The following TENM4 variants were observed in gnomAD, a reference collection of about 807,000 sequenced individuals.
TENM4 encodes the protein teneurin-4.
Under a neutral mutation model 243.3 loss-of-function variants are expected in TENM4, and 82 were observed. The observed-to-expected ratio is 0.34, with a 90% CI of 0.28 to 0.40. The LOEUF is 0.40. TENM4 is among the 10% of genes least tolerant of loss of function. The probability of loss-of-function intolerance (pLI) is 1.00; values close to 1 mark genes in which losing one functional copy is unlikely to be tolerated. For synonymous variants in TENM4, 1,412 were observed against 1,456.3 expected (o/e 0.97, Z 0.69); for missense variants, 3,138 against 3,673.3 (o/e 0.85, Z 3.77).
intron 17 of TENM4, among the ~76,000 whole-genome samples, chr11:78,778,291 T>C (rs1856775545): frequency 1.1e-5 from 1 of 95,032 alleles, no homozygotes; most frequent in South Asian, 4.0e-4. Context: ...TGACATGAGA[T>C]GGGGTGGAAA....
At chr11:79,145,578 C>T (rs1862381942) in intron 4 of TENM4, among the ~76,000 whole-genome samples, 2 of 152,222 alleles carry the variant, frequency 1.3e-5, no homozygotes, top group Middle Eastern at 3.4e-3. Flanking sequence ...TGTGAATATG[C>T]TACCCTTGAT....
intron 1 of TENM4, among the ~76,000 whole-genome samples, chr11:79,343,732 A>G (rs1256587565): frequency 6.6e-6 from 1 of 152,174 alleles, no homozygotes; most frequent in East Asian, 1.9e-4. Context: ...TGAAAAACGA[A>G]CAAGCTTGTT....
intron 1 of TENM4, among the ~76,000 whole-genome samples, chr11:79,383,161 A>G (rs1858041655): frequency 6.6e-6 from 1 of 152,186 alleles, no homozygotes; most frequent in South Asian, 2.1e-4. Flanking sequence ...GCTTTGGCCA[A>G]CAGAAAGCAC....
intron 1 of TENM4, among the ~76,000 whole-genome samples, chr11:79,304,022 C>G (rs1456089819): frequency 6.6e-6 from 1 of 152,090 alleles, no homozygotes; most frequent in Non-Finnish European, 1.5e-5. Flanking sequence ...TATGAGATAG[C>G]CTGGTAAGCC....
intron 2 of TENM4, among the ~76,000 whole-genome samples, chr11:79,216,937 C>T (rs1041343748): frequency 3.3e-5 from 5 of 152,142 alleles, no homozygotes; most frequent in African/African-American, 9.7e-5. Context: ...GGCAGAGGTC[C>T]TTACGCAGAA....
chr11:79,322,112 C>T (rs890604249), intron 1 of TENM4, among the ~76,000 whole-genome samples: 1 of 152,214 alleles, frequency 6.6e-6, no homozygotes, highest in African/African-American at 2.4e-5. Context: ...CCTCTTGTGA[C>T]TTACTCCATA....
chr11:79,093,922 C>T (rs1210053735), intron 4 of TENM4: 1 of 152,148 alleles, frequency 6.6e-6, no homozygotes, highest in Non-Finnish European at 1.5e-5. Context: ...AATATGGCAG[C>T]CACCAGCCAG....
chr11:79,110,330 G>GC (rs1262939378), intron 4 of TENM4, among the ~76,000 whole-genome samples: 1 of 152,190 alleles, frequency 6.6e-6, no homozygotes, highest in Non-Finnish European at 1.5e-5. Flanking sequence ...TCACACTGCA[G>GC]CCCCCTCCCT....
At chr11:79,413,005 C>T (rs1749022269) in intron 1 of TENM4, among the ~76,000 whole-genome samples, 1 of 152,176 alleles carries the variant, frequency 6.6e-6, no homozygotes, top group Non-Finnish European at 1.5e-5. Context: ...ATGGTGGGTA[C>T]CTTTGTGAAG....
intron 6 of TENM4, among the ~76,000 whole-genome samples, chr11:78,942,761 G>T (rs569793674): frequency 1.4e-5 from 2 of 147,742 alleles, no homozygotes; most frequent in African/African-American, 5.0e-5. Context: ...TACCTCATTT[G>T]CCTCCCTCTC....
intron 9 of TENM4, among the ~76,000 whole-genome samples, chr11:78,878,266 G>T (rs553753184): frequency 6.6e-6 from 1 of 151,906 alleles, no homozygotes; most frequent in African/African-American, 2.4e-5. Context: ...GCAACATCAC[G>T]CCAGACCCGG....
At chr11:79,177,619 AGGAG>A (rs1173681316) in intron 3 of TENM4, among the ~76,000 whole-genome samples, 1 of 152,146 alleles carries the variant, frequency 6.6e-6, no homozygotes, top group Non-Finnish European at 1.5e-5. Context: ...GAGTGGGATA[AGGAG>A]GAAGGAGGGT....
intron 6 of TENM4, among the ~76,000 whole-genome samples, chr11:79,061,472 A>G (rs1860083918): frequency 6.6e-6 from 1 of 152,192 alleles, no homozygotes; most frequent in Non-Finnish European, 1.5e-5. Context: ...CAAAGAAATG[A>G]CAACATGGCC....
chr11:78,933,670 G>C (rs1856719450), intron 6 of TENM4, among the ~76,000 whole-genome samples: 1 of 152,182 alleles, frequency 6.6e-6, no homozygotes, highest in African/African-American at 2.4e-5. Context: ...AGGCCAAGGA[G>C]GTTCACTCTG....
At chr11:78,783,474 T>A (rs536117517) in intron 16 of TENM4, among the ~76,000 whole-genome samples, 1 of 152,280 alleles carries the variant, frequency 6.6e-6, no homozygotes, top group Non-Finnish European at 1.5e-5. Context: ...TTTGGGCTGA[T>A]GGGTGTGCAG....
chr11:79,391,724 T>C (rs1858236874), intron 1 of TENM4, among the ~76,000 whole-genome samples: 1 of 152,242 alleles, frequency 6.6e-6, no homozygotes. Flanking sequence ...GCTTTGATTA[T>C]GGAGCACAGC....
intron 4 of TENM4, among the ~76,000 whole-genome samples, chr11:79,130,789 C>T (rs766038387): frequency 1.3e-5 from 2 of 152,132 alleles, no homozygotes; most frequent in East Asian, 1.9e-4. Flanking sequence ...CACCACTGCA[C>T]TCCAGCCTGG....
At chr11:78,972,403 A>G (rs1353101709) in intron 6 of TENM4, among the ~76,000 whole-genome samples, 1 of 152,148 alleles carries the variant, frequency 6.6e-6, no homozygotes, top group Non-Finnish European at 1.5e-5. Context: ...AACAGGACGC[A>G]GTAAATTTCT....
At chr11:78,663,889 T>A (rs1173892049) in intron 32 of TENM4, among the ~76,000 whole-genome samples, 3 of 152,176 alleles carry the variant, frequency 2.0e-5, no homozygotes. Flanking sequence ...TTTGTTTTTG[T>A]TTTGTTTTCG....
Sources: gnomAD v4.1 joint callset for allele counts (sites outside exome capture counted in the v4.1 genomes callset) on GRCh38, gnomAD v4.1.1 for gene constraint, MANE v1.5 for transcripts, NCBI Gene and HGNC (gene_info 2026-07-23, HGNC 2026-07-21) for gene names.